Variants in FMN1 observed in about 807,000 individuals in gnomAD.
FMN1 encodes the protein formin-1.
In FMN1, 110 loss-of-function variants were observed where a neutral mutation model predicts 132.4. The ratio of observed to expected loss-of-function variants is 0.83; its 90% confidence interval spans 0.71 to 0.97. The LOEUF (loss-of-function observed/expected upper bound fraction) is 0.97. FMN1 is among the 50% of genes least tolerant of loss of function. The pLI is 0.00. For synonymous variants in FMN1, 722 were observed against 651.7 expected, an observed-to-expected ratio of 1.11 and a Z score of -1.64; for missense variants, 1,792 against 1,705.3, an observed-to-expected ratio of 1.05 and a Z score of -0.90.
chr15:32,903,385 C>T (rs1468070440), intron 12 of FMN1, among the ~76,000 whole-genome samples: 1 of 152,184 alleles, frequency 6.6e-6, no homozygotes, highest in Non-Finnish European at 1.5e-5. Flanking sequence ...TTTATCATGA[C>T]TGAAATCAGG....
intron 7 of FMN1, among the ~76,000 whole-genome samples, chr15:32,990,268 G>C (rs557954088): frequency 7.9e-5 from 12 of 152,222 alleles, no homozygotes; most frequent in Non-Finnish European, 1.2e-4. Context: ...GTGCTGCAGA[G>C]GCAACACTGG....
At position 33,189,660 on chromosome 15, in the gene FMN1, C is replaced by A. The variant is rs1010071705; in HGVS notation, c.-197+4249G>T. Among the ~76,000 whole-genome samples the A allele has an allele frequency of 2.0e-5, 3 of 152,094 alleles. No individual in the cohort carries two copies. In the East Asian group the frequency reaches 5.8e-4, roughly 29 times the overall value. On this transcript the variant is annotated intron_variant, in intron 2 of 20. Coordinates refer to ENST00000616417, the MANE Select transcript of FMN1 (RefSeq NM_001277313.2). ...ATACTATCCAGATTCCATTGAGAGC[C>A]GGCCCCGTAAGCAAACACATTAATC...
At chr15:33,189,947 G>T (rs11633925) in intron 2 of FMN1, among the ~76,000 whole-genome samples, 105,845 of 152,022 alleles carry the variant, frequency 0.7, 37,116 homozygotes, top group African/African-American at 0.78. Context: ...GCTTTATTAG[G>T]ACGCACAGGG....
chr15:32,794,167 G>A (rs2057192566), intron 19 of FMN1, among the ~76,000 whole-genome samples: 1 of 18,100 alleles, frequency 5.5e-5, no homozygotes, highest in Non-Finnish European at 2.6e-3. Context: ...AGGTGGCTGG[G>A]TAATAAAAAA....
At chr15:32,873,942 T>C (rs529677417) in intron 16 of FMN1, among the ~76,000 whole-genome samples, 25 of 152,018 alleles carry the variant, frequency 1.6e-4, no homozygotes, top group Non-Finnish European at 3.4e-4. Flanking sequence ...ATTCCTAGAT[T>C]AGCCGCCTTT....
intron 4 of FMN1, among the ~76,000 whole-genome samples, chr15:33,134,666 T>G (rs1405050639): frequency 6.6e-6 from 1 of 152,228 alleles, no homozygotes; most frequent in Non-Finnish European, 1.5e-5. Flanking sequence ...ACAAGTTGCT[T>G]AAGCTCTCTG....
chr15:33,138,659 G>C (rs1963876313), intron 4 of FMN1, among the ~76,000 whole-genome samples: 1 of 152,096 alleles, frequency 6.6e-6, no homozygotes, highest in African/African-American at 2.4e-5. Flanking sequence ...TTGAAACAAA[G>C]CTCTGATTAT....
chr15:33,100,629 G>A (rs1176717070), intron 4 of FMN1, among the ~76,000 whole-genome samples: 1 of 152,114 alleles, frequency 6.6e-6, no homozygotes. Context: ...TTTTACAGAA[G>A]AAGTTTTCAA....
intron 9 of FMN1, among the ~76,000 whole-genome samples, chr15:32,952,206 C>A (rs992522534): frequency 6.6e-6 from 1 of 152,194 alleles, no homozygotes; most frequent in African/African-American, 2.4e-5. Context: ...ATCATCATGG[C>A]CAAGCCTCTC....
At chr15:32,858,972 A>G (rs553155068) in intron 16 of FMN1, among the ~76,000 whole-genome samples, 1 of 152,304 alleles carries the variant, frequency 6.6e-6, no homozygotes, top group East Asian at 1.9e-4. Context: ...CCAAGGAGCG[A>G]GAGAGTAGAT....
At chr15:32,862,048 G>T (rs1596111456) in intron 16 of FMN1, among the ~76,000 whole-genome samples, 1 of 152,280 alleles carries the variant, frequency 6.6e-6, no homozygotes, top group East Asian at 1.9e-4. Context: ...GGTCCCCACA[G>T]AGCCACGCGC....
intron 19 of FMN1, among the ~76,000 whole-genome samples, chr15:32,798,370 G>A (rs2057365431): frequency 6.6e-6 from 1 of 151,602 alleles, no homozygotes; most frequent in Admixed American, 6.6e-5. Flanking sequence ...CTTCCACGCT[G>A]TGTGAAGTGT....
At chr15:32,999,710 T>G (rs1223781210) in intron 7 of FMN1, among the ~76,000 whole-genome samples, 5 of 152,206 alleles carry the variant, frequency 3.3e-5, no homozygotes, top group African/African-American at 1.2e-4. Context: ...GTTCTTTGTC[T>G]TGCATCCCAC....
chr15:32,999,317 A>G (rs2033957708), intron 7 of FMN1, among the ~76,000 whole-genome samples: 2 of 152,242 alleles, frequency 1.3e-5, no homozygotes, highest in African/African-American at 2.4e-5. Flanking sequence ...TTATGCCTTT[A>G]TAAATTTCGT....
intron 16 of FMN1, among the ~76,000 whole-genome samples, chr15:32,877,472 T>C (rs2059665035): frequency 6.6e-6 from 1 of 152,160 alleles, no homozygotes; most frequent in Non-Finnish European, 1.5e-5. Flanking sequence ...TTTTCAGTTG[T>C]TCTAATTAAG....
At chr15:32,857,554 A>C (rs1479672968) in intron 16 of FMN1, among the ~76,000 whole-genome samples, 2 of 152,152 alleles carry the variant, frequency 1.3e-5, no homozygotes, top group African/African-American at 4.8e-5. Context: ...AGTTGTCTAG[A>C]ACTACCAACC....
chr15:33,097,160 G>C (rs769931140), intron 4 of FMN1, among the ~76,000 whole-genome samples: 7 of 152,030 alleles, frequency 4.6e-5, no homozygotes, highest in African/African-American at 9.7e-5. Context: ...AGCCAAGCCT[G>C]GTGGCCTGCG....
intron 7 of FMN1, among the ~76,000 whole-genome samples, chr15:32,980,896 C>A (rs892120571): frequency 6.6e-6 from 1 of 152,102 alleles, no homozygotes; most frequent in Non-Finnish European, 1.5e-5. Context: ...TGCTTGTAAC[C>A]CCAGCTACCC....
intron 6 of FMN1, among the ~76,000 whole-genome samples, chr15:33,017,508 CAGTG>C (rs1248285943): frequency 6.6e-6 from 1 of 151,980 alleles, no homozygotes; most frequent in Non-Finnish European, 1.5e-5. Context: ...AGTGAATTAT[CAGTG>C]AGTCAACCTA....
Sources: allele counts gnomAD v4.1 joint callset (sites outside exome capture counted in the v4.1 genomes callset), GRCh38; gene constraint gnomAD v4.1.1; transcripts MANE v1.5; gene names NCBI Gene and HGNC (gene_info 2026-07-23, HGNC 2026-07-21).